INPP5J: variants seen among roughly 807,000 people sequenced by gnomAD.
INPP5J encodes inositol polyphosphate-5-phosphatase J, also known as phosphatidylinositol 4,5-bisphosphate 5-phosphatase A.
Under a neutral mutation model 86.6 loss-of-function variants are expected in INPP5J, and 75 were observed. The ratio of observed to expected loss-of-function variants is 0.87; its 90% CI spans 0.72 to 1.05. INPP5J has a LOEUF of 1.05. INPP5J is among the 50% of genes least tolerant of loss of function. INPP5J has a pLI of 0.00. For synonymous variants in INPP5J, 540 were observed against 550.0 expected, an observed-to-expected ratio of 0.98 and a Z score of 0.25; for missense variants, 1,229 against 1,341.2, an observed-to-expected ratio of 0.92 and a Z score of 1.31.
intron 1 of INPP5J, 88 bp downstream of exon 1, chr22:31,123,207 T>C: frequency 2.5e-6 from 2 of 807,092 alleles, no homozygotes; most frequent in Non-Finnish European, 3.6e-6. Flanking sequence ...TCCCTGGTGC[T>C]CCTGACTGAG....
Position 31,126,270 on chromosome 22 carries a change from T to C in INPP5J, c.1272-106T>C. The C allele has an allele frequency of 4.0e-6, 4 of 997,418 alleles. No homozygotes were observed. The South Asian group carries it at 5.9e-5, about 15-fold the overall frequency. The allele number at this position is 997,418 out of a possible 1,614,324, so 61.8% of individuals were successfully genotyped here. A position where few individuals can be genotyped will look rare whatever the true frequency, so the allele number is the denominator to read the frequency against. On this transcript the variant is annotated intron_variant, in intron 2 of 12. Coordinates refer to ENST00000331075, the MANE Select transcript of INPP5J (RefSeq NM_001284285.2). ...CTCCTGTGGGTCCTTCTTAGGGCTT[T>C]GGCCCACACCTGCCTCCATTTAGTT... is the stretch of plus-strand genomic sequence containing the variant.
At chr22:31,128,741 C>G in intron 9 of INPP5J, 87 bp downstream of exon 9, 2 of 1,139,488 alleles carry the variant, frequency 1.8e-6, no homozygotes, top group Non-Finnish European at 1.2e-6. Flanking sequence ...TTTGTATAAC[C>G]CCTTGTACCT....
rs763460545 is a variant in INPP5J, at chr22:31,125,909, C to T, written c.1170C>T (p.Ala390=). Residue 390 remains alanine, a synonymous_variant, in exon 2 of 13, where the codon GCC becomes GCT. Transcript: ENST00000331075. ...PGRCLSPNLQ[A]QEAPAPVTTS... is the part of the protein sequence containing the mutation. ...GGTGCCTGAGCCCCAACCTTCAGGC[C>T]CAAGAAGCCCCAGCCCCAGTCACCA... The T allele has an allele frequency of 1.2e-6, 2 of 1,613,276 alleles. No homozygotes were observed. The highest frequency in any genetic ancestry group is 1.7e-6 in the Non-Finnish European group (2 of 1,179,614).
intron 1 of INPP5J, among the ~76,000 whole-genome samples, chr22:31,123,596 G>C (rs1022548602): frequency 6.6e-6 from 1 of 152,198 alleles, no homozygotes; most frequent in Non-Finnish European, 1.5e-5. Flanking sequence ...AGTTTGAGAA[G>C]GGAGGTGGAG....
At chr22:31,127,309 C>A in intron 5 of INPP5J, 48 bp from the exon 6 acceptor site, 1 of 1,535,072 alleles carries the variant, frequency 6.5e-7, no homozygotes, top group South Asian at 1.3e-5. Flanking sequence ...AGTGCCTCAC[C>A]TCCTGGCCTA....
At position 31,125,941 on chromosome 22, in the gene INPP5J, C is replaced by G; in HGVS notation, c.1202C>G (p.Ser401Cys). The G allele has an allele frequency of 1.2e-6, 2 of 1,612,158 alleles. No individual in the cohort carries two copies. The highest frequency in any genetic ancestry group is 1.7e-6 in the Non-Finnish European group (2 of 1,178,638). Residue 401 changes from serine (S) to cysteine (C), a missense_variant, in exon 2 of 13, where the codon TCT (serine) becomes TGT (cysteine). Ser to Cys is a moderately radical substitution (Grantham distance 112, BLOSUM62 -1). Transcript: ENST00000331075. ...QEAPAPVTTS[S>C]STSTLSSSPW... ...GCCCCAGCCCCAGTCACCACCTCCTCTTCTACATCCACCCTGTCATCCTCC... is the reference window on the plus strand; with the variant it reads ...GCCCCAGCCCCAGTCACCACCTCCTGTTCTACATCCACCCTGTCATCCTCC...
At chr22:31,127,878 G>C (rs562987751) in intron 6 of INPP5J, 73 bp from the exon 7 acceptor site, 22 of 896,736 alleles carry the variant, frequency 2.5e-5, no homozygotes, top group Non-Finnish European at 3.6e-5. Context: ...TCTGGGCTGA[G>C]CCCTTATCCT....
chr22:31,123,103 C>T lies in INPP5J; in HGVS notation c.89C>T (p.Thr30Ile). 3 of 1,481,346 alleles carry T rather than the reference C, an allele frequency of 2.0e-6. No individual in the cohort carries two copies. Among genetic ancestry groups the T allele is most frequent in the Non-Finnish European group, 2.7e-6 (3 of 1,120,200 alleles). 91.8% of individuals were successfully genotyped at this position (1,481,346 alleles called of 1,614,324 possible). ...CCCATGCCCCAGGGTGTTGCCCAAA[C>T]TGGGGCACCCTCCAAGGTAAGACCC... ...SLPMPQGVAQ[T>I]GAPSKVDSSF... is the part of the protein sequence containing the mutation. Residue 30 changes from threonine (T) to isoleucine (I), a missense_variant, in exon 1 of 13, where the codon ACT (threonine) becomes ATT (isoleucine). Transcript: ENST00000331075.
chr22:31,129,542 CTTTTTTTTT>C, intron 9 of INPP5J, among the ~76,000 whole-genome samples: 1 of 96,312 alleles, frequency 1.0e-5, no homozygotes, highest in East Asian at 4.0e-4. Context: ...GCCCGGCGCC[CTTTTTTTTT>C]TTTTTTTTTT....
Position 31,133,435 on chromosome 22 carries a change from G to A in INPP5J, c.2361G>A (p.Val787=). The change falls in exon 11 of 13, where the codon GTG becomes GTA. Residue 787 remains valine, a synonymous_variant. Transcript: ENST00000331075. ...RVGFRHCKDY[V]AYVWAKHEDV... is the part of the protein sequence containing the mutation. ...GTTTCCGCCATTGCAAGGACTATGT[G>A]GCTTATGTCTGGGCCAAACATGAAG... is the stretch of plus-strand genomic sequence containing the variant. 6.2e-7 allele frequency: 1 copy of A among 1,613,906 alleles called. No homozygotes were observed. Among genetic ancestry groups the A allele is most frequent in the Non-Finnish European group, 8.5e-7 (1 of 1,179,854 alleles).
chr22:31,123,173 A>AC (rs200796586), intron 1 of INPP5J, 54 bp downstream of exon 1: 14,364 of 1,056,174 alleles, frequency 0.014, 145 homozygotes, highest in East Asian at 0.038. Flanking sequence ...GGTTCCACAC[A>AC]CCCCCCCCAC....
Position 31,134,101 on chromosome 22 carries a change from C to G in INPP5J, c.2703C>G (p.Pro901=). ...GGTTCCCTGGGCTTGCCCTACGGCC[C>G]TCATCCCGTGAACGCCGTGGTGCCA... ...LARFPGLALR[P]SSRERRGASR... Residue 901 remains proline, a synonymous_variant, in exon 13 of 13, where the codon CCC becomes CCG. Coordinates refer to ENST00000331075, the MANE Select transcript of INPP5J (RefSeq NM_001284285.2). 1 of 1,555,106 alleles carries G rather than the reference C, an allele frequency of 6.4e-7. No homozygotes were observed. The highest frequency in any genetic ancestry group is 8.7e-7 in the Non-Finnish European group (1 of 1,150,148).
intron 2 of INPP5J, 114 bp from the exon 3 acceptor site, chr22:31,126,262 T>A: frequency 1.1e-6 from 1 of 949,654 alleles, no homozygotes; most frequent in South Asian, 1.5e-5. Context: ...GGGTCCTTCT[T>A]AGGGCTTTGG....
At chr22:31,122,957 G>T, upstream of INPP5J, 16 of 1,167,280 alleles carry the variant, frequency 1.4e-5, no homozygotes, top group South Asian at 3.8e-5. Context: ...ACTGGTTCCC[G>T]GGAGCGGTAG....
At position 31,134,308 on chromosome 22, in the gene INPP5J, C is replaced by A. The variant is rs1922390644; in HGVS notation, c.2910C>A (p.Asp970Glu). 7 of 1,554,546 alleles carry A rather than the reference C, an allele frequency of 4.5e-6. No individual in the cohort carries two copies. Among genetic ancestry groups the A allele is most frequent in the Non-Finnish European group, 6.1e-6 (7 of 1,150,054 alleles). The change falls in exon 13 of 13, where the codon GAC becomes GAA. Residue 970 changes from aspartate (D) to glutamate (E), a missense_variant. By Grantham distance (45) the Asp-to-Glu change is conservative. Transcript: ENST00000331075. ...LLPALRLETV[D>E]PGGGGSWGPD... is the part of the protein sequence containing the mutation. The stretch of plus-strand genomic sequence containing the variant: ...CCGCCTTGCGCCTAGAGACTGTAGA[C>A]CCTGGTGGTGGTGGCTCCTGGGGAC...
Position 31,134,070 on chromosome 22 carries a change from T to C in INPP5J, c.2672T>C (p.Leu891Pro). Residue 891 changes from leucine (L) to proline (P), a missense_variant, in exon 13 of 13, where the codon CTG becomes CCG. Leu to Pro is a moderately conservative substitution (Grantham distance 98, BLOSUM62 -3). Transcript: ENST00000331075. ...CGACACCGCAGCCGCAGCCCGGGACTGGCCAGGTTCCCTGGGCTTGCCCTA... is the reference window on the plus strand; with the variant it reads ...CGACACCGCAGCCGCAGCCCGGGACCGGCCAGGTTCCCTGGGCTTGCCCTA... ...SKRHRSRSPGLARFPGLALRP... is the reference protein window; with the variant it reads ...SKRHRSRSPGPARFPGLALRP... 1 of 1,572,496 alleles carries C rather than the reference T, an allele frequency of 6.4e-7. No homozygotes were observed.
chr22:31,127,561 C>T (rs1393248949), intron 6 of INPP5J, 29 bp downstream of exon 6: 1 of 1,594,626 alleles, frequency 6.3e-7, no homozygotes, highest in African/African-American at 1.3e-5. Context: ...CCAAATAGAG[C>T]TTGGGTGGGG....
At position 31,125,563 on chromosome 22, in the gene INPP5J, C is replaced by T. The variant is rs1282001400; in HGVS notation, c.824C>T (p.Pro275Leu). ...CCCTGCATCCAAACCTCCCCAGACC[C>T]TCGGCTCTCCCCCTCCTTCCGAGCC... is the stretch of plus-strand genomic sequence containing the variant. ...SPPCIQTSPD[P>L]RLSPSFRARP... The change falls in exon 2 of 13, where the codon CCT (proline) becomes CTT (leucine). Residue 275 changes from proline (P) to leucine (L), a missense_variant. Physicochemically the swap from Pro to Leu is moderately conservative, Grantham distance 98. Transcript: ENST00000331075. 1.3e-6 allele frequency: 2 copies of T among 1,550,484 alleles called. No individual in the cohort carries two copies. The highest frequency in any genetic ancestry group is 1.7e-6 in the Non-Finnish European group (2 of 1,146,996).
At position 31,125,376 on chromosome 22, in the gene INPP5J, A is replaced by T. The variant is rs1179475599; in HGVS notation, c.637A>T (p.Thr213Ser). 3 of 1,550,262 alleles carry T rather than the reference A, an allele frequency of 1.9e-6. No homozygotes were observed. The highest frequency in any genetic ancestry group is 2.6e-6 in the Non-Finnish European group (3 of 1,146,918). The change falls in exon 2 of 13, where the codon ACT (threonine) becomes TCT (serine). Residue 213 changes from threonine to serine, a missense_variant. Transcript: ENST00000331075. The part of the protein sequence containing the change: ...SPVPSPVLSP[T>S]QEQALAPAST... ...GGTGCCCAGTCCAGTTCTGTCTCCA[A>T]CTCAGGAACAGGCCCTGGCTCCAGC...
Sources: allele counts gnomAD v4.1 joint callset (sites outside exome capture counted in the v4.1 genomes callset), GRCh38; gene constraint gnomAD v4.1.1; transcripts MANE v1.5; gene names NCBI Gene and HGNC (gene_info 2026-07-23, HGNC 2026-07-21).